Variants in LRBA observed in about 807,000 individuals in gnomAD.
The protein encoded by LRBA is lipopolysaccharide-responsive and beige-like anchor protein.
Under a neutral mutation model 330.0 loss-of-function variants are expected in LRBA, and 176 were observed. The ratio of observed to expected loss-of-function variants is 0.53; its 90% CI spans 0.47 to 0.60. LRBA has a LOEUF of 0.60. Among genes scored for constraint, LRBA ranks in the 20% least tolerant of loss-of-function variants. The pLI is 0.00. For missense variants in LRBA, 3,259 were observed against 3,444.8 expected, an observed-to-expected ratio of 0.95 and a Z score of 1.35; for synonymous variants, 1,230 against 1,193.0, an observed-to-expected ratio of 1.03 and a Z score of -0.64.
At chr4:150,439,444 C>G (rs965921871) in intron 44 of LRBA, among the ~76,000 whole-genome samples, 2 of 151,734 alleles carry the variant, frequency 1.3e-5, no homozygotes, top group African/African-American at 4.8e-5. Flanking sequence ...CGACAGCTAT[C>G]AAGACATACC....
chr4:150,999,909 G>A (rs1743138480), intron 2 of LRBA, among the ~76,000 whole-genome samples: 1 of 152,108 alleles, frequency 6.6e-6, no homozygotes, highest in Admixed American at 6.6e-5. Context: ...TTGATCTACA[G>A]GGTATACATT....
chr4:150,581,486 A>G, intron 40 of LRBA: 1 of 289,980 alleles, frequency 3.4e-6, no homozygotes, highest in Non-Finnish European at 6.9e-6. Flanking sequence ...TTTGCCTTCA[A>G]GCCAAAGTAA....
chr4:150,318,503 G>T (rs1732026650), intron 50 of LRBA, among the ~76,000 whole-genome samples: 1 of 152,100 alleles, frequency 6.6e-6, no homozygotes, highest in African/African-American at 2.4e-5. Flanking sequence ...AACTGTCAGG[G>T]ATTTTTGATG....
At chr4:150,435,556 C>A in intron 46 of LRBA, 33 bp downstream of exon 46, 1 of 1,587,872 alleles carries the variant, frequency 6.3e-7, no homozygotes, top group Non-Finnish European at 8.5e-7. Flanking sequence ...AATGCACTGG[C>A]AATAACAACT....
chr4:150,763,784 T>A (rs1306430017), intron 34 of LRBA, among the ~76,000 whole-genome samples: 1 of 151,694 alleles, frequency 6.6e-6, no homozygotes, highest in East Asian at 1.9e-4. Flanking sequence ...AGGAACAAAT[T>A]TAAAGACAGA....
rs570306191 is a variant in LRBA at position 150,612,971 on chromosome 4, C to T, written c.5922-13840G>A. Among the ~76,000 whole-genome samples the T allele has an allele frequency of 7.2e-5, 11 of 152,116 alleles. No individual in the cohort carries two copies. The East Asian group carries it at 9.7e-4, about 13-fold the overall frequency. The stretch of plus-strand genomic sequence containing the variant: ...ATTTTCAATTGATACACAAAGAAGA[C>T]GATGACATTTTAGGCTTTTAGGAGA... On this transcript the variant is annotated intron_variant, in intron 37 of 56. Coordinates refer to ENST00000651943, the MANE Select transcript of LRBA (RefSeq NM_001364905.1).
In LRBA at chr4:150,806,020, CA is replaced by C. The variant is rs10566622; in HGVS notation, c.5518+250del. On this transcript the variant is annotated intron_variant, in intron 33 of 56. Transcript: ENST00000651943. Reference sequence around the variant, plus strand: ...GCTCTCAAAATTAATTTTAATGTATCAAAAAAAAAAAAAAGTCTTAGTTCTT... The same window carrying C: ...GCTCTCAAAATTAATTTTAATGTATCAAAAAAAAAAAAAGTCTTAGTTCTT... Among the ~76,000 whole-genome samples, 99,869 of 147,400 alleles carry C rather than the reference CA, an allele frequency of 0.68. 35,852 individuals are homozygous for C. The highest frequency in any genetic ancestry group is 0.83 in the Non-Finnish European group (55,446 of 66,644).
chr4:150,916,531 T>C lies in LRBA; in HGVS notation c.768-4A>G. The C allele has an allele frequency of 1.9e-6, 3 of 1,611,506 alleles. No individual in the cohort carries two copies. The highest frequency in any genetic ancestry group is 2.2e-5 in the South Asian group (2 of 90,316). ...AAGACCTTTGCTGGTTCTGAAACTA[T>C]AAAGAATAGTTTTCATTTTACCTCT... On this transcript the variant is annotated splice_region_variant and splice_polypyrimidine_tract_variant and intron_variant, in intron 6 of 56. Transcript: ENST00000651943.
chr4:150,647,798 C>T (rs908343507), intron 37 of LRBA, among the ~76,000 whole-genome samples: 1 of 151,982 alleles, frequency 6.6e-6, no homozygotes, highest in Non-Finnish European at 1.5e-5. Context: ...TTAGTCATTA[C>T]TTTCAAAGAC....
intron 36 of LRBA, among the ~76,000 whole-genome samples, chr4:150,693,145 A>G (rs1202259400): frequency 6.6e-6 from 1 of 152,246 alleles, no homozygotes; most frequent in African/African-American, 2.4e-5. Flanking sequence ...ATAATGGAAT[A>G]CTATGTAGTA....
intron 41 of LRBA, among the ~76,000 whole-genome samples, chr4:150,490,107 G>A (rs1455752212): frequency 6.6e-6 from 1 of 151,622 alleles, no homozygotes; most frequent in Non-Finnish European, 1.5e-5. Flanking sequence ...GAAGAGGTAT[G>A]TGCCAGGAGG....
chr4:150,797,605 T>C (rs1482412382), intron 34 of LRBA, among the ~76,000 whole-genome samples: 1 of 152,084 alleles, frequency 6.6e-6, no homozygotes, highest in Non-Finnish European at 1.5e-5. Flanking sequence ...CTTATTATGA[T>C]AGCTGCCACA....
At chr4:150,618,114 CA>C (rs1026170321) in intron 37 of LRBA, among the ~76,000 whole-genome samples, 15 of 146,200 alleles carry the variant, frequency 1.0e-4, no homozygotes, top group Admixed American at 5.4e-4. Context: ...CTGTCTCAAA[CA>C]AAAAAAAAAG....
At chr4:150,971,276 T>C (rs1291780705) in intron 2 of LRBA, among the ~76,000 whole-genome samples, 3 of 152,164 alleles carry the variant, frequency 2.0e-5, no homozygotes, top group Admixed American at 6.5e-5. Flanking sequence ...GGCAGGGACA[T>C]GAATCATGGT....
chr4:150,954,378 T>C (rs1318234344), intron 2 of LRBA, among the ~76,000 whole-genome samples: 4 of 152,202 alleles, frequency 2.6e-5, no homozygotes, highest in Admixed American at 6.5e-5. Context: ...TGTGTCTGTA[T>C]AGAAAGAAGT....
At chr4:150,434,662 G>T (rs1750864988) in intron 46 of LRBA, among the ~76,000 whole-genome samples, 1 of 151,878 alleles carries the variant, frequency 6.6e-6, no homozygotes, top group Non-Finnish European at 1.5e-5. Flanking sequence ...GACCAGCCTG[G>T]GCAACATAGG....
chr4:150,655,355 C>T (rs1394124025), intron 37 of LRBA, among the ~76,000 whole-genome samples: 1 of 152,138 alleles, frequency 6.6e-6, no homozygotes, highest in Non-Finnish European at 1.5e-5. Flanking sequence ...ACAGATTATT[C>T]AGCTTCCAAC....
At chr4:150,337,831 T>C (rs150187015) in intron 48 of LRBA, among the ~76,000 whole-genome samples, 22 of 152,208 alleles carry the variant, frequency 1.4e-4, no homozygotes, top group African/African-American at 4.8e-4. Flanking sequence ...GAAACAGGCT[T>C]ACAGACCACT....
chr4:150,410,304 A>G (rs1746791057), intron 47 of LRBA, among the ~76,000 whole-genome samples: 1 of 152,184 alleles, frequency 6.6e-6, no homozygotes, highest in African/African-American at 2.4e-5. Flanking sequence ...TTTAAATTTT[A>G]GCAATGATAG....
Sources: gnomAD v4.1 joint callset for allele counts (sites outside exome capture counted in the v4.1 genomes callset) on GRCh38, gnomAD v4.1.1 for gene constraint, MANE v1.5 for transcripts, NCBI Gene and HGNC (gene_info 2026-07-23, HGNC 2026-07-21) for gene names.